Variants in NOVA2 observed in about 807,000 individuals in gnomAD.
The protein encoded by NOVA2 is RNA-binding protein Nova-2.
In NOVA2, 9 loss-of-function variants were observed where a neutral mutation model predicts 22.5. That is an observed-to-expected ratio of 0.40 (90% CI 0.24 to 0.70). The LOEUF (loss-of-function observed/expected upper bound fraction) is 0.70, where lower values mean the gene tolerates loss of function less well. Ranked by LOEUF, NOVA2 falls within the 30% of genes least tolerant of loss-of-function variation. NOVA2 has a pLI of 0.38. For missense variants in NOVA2, 383 were observed against 682.8 expected (o/e 0.56, Z 4.89); for synonymous variants, 318 against 335.2 (o/e 0.95, Z 0.56).
intron 2 of NOVA2, among the ~76,000 whole-genome samples, chr19:45,959,648 G>A (rs529880466): frequency 1.6e-4 from 24 of 151,864 alleles, no homozygotes; most frequent in Admixed American, 1.2e-3. Flanking sequence ...TAAACCTCTT[G>A]CCAAAGCTGC....
At chr19:45,972,009 C>T (rs946576644) in intron 1 of NOVA2, among the ~76,000 whole-genome samples, 12 of 152,020 alleles carry the variant, frequency 7.9e-5, no homozygotes, top group Non-Finnish European at 1.6e-4. Flanking sequence ...CCAATACACA[C>T]GGACACACAC....
In NOVA2 at chr19:45,936,114, CCT is replaced by C. The variant is rs1384383114; in HGVS notation, c.*3747_*3748del. 4 of 152,272 alleles carry C rather than the reference CCT, an allele frequency of 2.6e-5. No homozygotes were observed. Among genetic ancestry groups the C allele is most frequent in the African/African-American group, 9.6e-5 (4 of 41,456 alleles). 9.4% of individuals were successfully genotyped at this position (152,272 alleles called of 1,614,324 possible). On this transcript the variant is annotated 3_prime_UTR_variant, in exon 4 of 4. Transcript: ENST00000263257. ...GGCTGGGCAGGTTGGCTCAGAGCCC[CCT>C]GAGATGGGGGATGAAGGAGGTTAAT...
intron 2 of NOVA2, among the ~76,000 whole-genome samples, chr19:45,960,709 C>T (rs1366188206): frequency 6.6e-6 from 1 of 151,976 alleles, no homozygotes; most frequent in African/African-American, 2.4e-5. Flanking sequence ...TCCCCACCCT[C>T]GCTCCTCCAA....
intron 1 of NOVA2, among the ~76,000 whole-genome samples, chr19:45,972,420 G>T (rs1030973555): frequency 6.6e-6 from 1 of 151,916 alleles, no homozygotes; most frequent in African/African-American, 2.4e-5. Flanking sequence ...TCTTCTGGCT[G>T]ACACCCAGAG....
chr19:45,941,312 A>G, intron 3 of NOVA2, among the ~76,000 whole-genome samples: 1 of 31,954 alleles, frequency 3.1e-5, no homozygotes, highest in African/African-American at 7.5e-5. Flanking sequence ...ATAAAATAAT[A>G]TATATATATA....
chr19:45,966,809 G>A (rs753748976), intron 1 of NOVA2, among the ~76,000 whole-genome samples: 7 of 152,190 alleles, frequency 4.6e-5, no homozygotes, highest in East Asian at 1.9e-4. Context: ...CCCGGGAGGC[G>A]GAGGTTGCAG....
intron 2 of NOVA2, among the ~76,000 whole-genome samples, chr19:45,958,696 A>G (rs992805249): frequency 3.3e-5 from 5 of 152,096 alleles, no homozygotes; most frequent in Non-Finnish European, 7.4e-5. Context: ...CTAACCTACT[A>G]GGCCCAGAGT....
chr19:45,946,919 C>T (rs1002161762), intron 3 of NOVA2, among the ~76,000 whole-genome samples: 18 of 151,536 alleles, frequency 1.2e-4, no homozygotes, highest in African/African-American at 2.2e-4. Flanking sequence ...TGTGCGCACG[C>T]GCATGTACAC....
chr19:45,960,532 AG>A (rs1968079016), intron 2 of NOVA2, among the ~76,000 whole-genome samples: 2 of 151,722 alleles, frequency 1.3e-5, no homozygotes, highest in Admixed American at 1.3e-4. Flanking sequence ...AGAGACGAGA[AG>A]TCAGAAACAG....
At chr19:45,951,526 G>A (rs966171121) in intron 3 of NOVA2, among the ~76,000 whole-genome samples, 4 of 151,972 alleles carry the variant, frequency 2.6e-5, no homozygotes, top group African/African-American at 4.8e-5. Flanking sequence ...GCCAAGGCAG[G>A]AGAATCACTT....
chr19:45,961,266 A>G (rs1377992046), intron 1 of NOVA2, 113 bp from the exon 2 acceptor site: 1 of 644,778 alleles, frequency 1.6e-6, no homozygotes, highest in African/African-American at 1.8e-5. Flanking sequence ...GAATAATACA[A>G]ATAATGATCT....
intron 2 of NOVA2, among the ~76,000 whole-genome samples, chr19:45,960,380 GA>G (rs1484104599): frequency 1.3e-5 from 2 of 151,706 alleles, no homozygotes; most frequent in Non-Finnish European, 1.5e-5. Context: ...AAGACAAAAG[GA>G]GAAGGAAAGA....
chr19:45,950,708 A>G (rs1278924297), intron 3 of NOVA2, among the ~76,000 whole-genome samples: 1 of 152,220 alleles, frequency 6.6e-6, no homozygotes, highest in Non-Finnish European at 1.5e-5. Flanking sequence ...TAGAGCCAGA[A>G]GGACCAGAGA....
At chr19:45,949,233 G>A (rs1368478622) in intron 3 of NOVA2, among the ~76,000 whole-genome samples, 1 of 150,354 alleles carries the variant, frequency 6.7e-6, no homozygotes, top group Non-Finnish European at 1.5e-5. Flanking sequence ...GTACGACTCT[G>A]TGAACATACA....
chr19:45,945,690 CTA>C (rs927779237), intron 3 of NOVA2, among the ~76,000 whole-genome samples: 1 of 151,724 alleles, frequency 6.6e-6, no homozygotes, highest in African/African-American at 2.4e-5. Flanking sequence ...GTAGATATGT[CTA>C]TATGTGTATA....
At chr19:45,970,739 G>A (rs1968222811) in intron 1 of NOVA2, among the ~76,000 whole-genome samples, 1 of 152,108 alleles carries the variant, frequency 6.6e-6, no homozygotes, top group Non-Finnish European at 1.5e-5. Context: ...AAAAGGGGAT[G>A]GGTTGGCCCA....
intron 3 of NOVA2, among the ~76,000 whole-genome samples, chr19:45,948,298 C>T (rs553729665): frequency 2.0e-5 from 3 of 152,120 alleles, no homozygotes; most frequent in Non-Finnish European, 4.4e-5. Flanking sequence ...CATAGAAGCA[C>T]TCAAGAAATG....
chr19:45,940,288 C>A lies in NOVA2; in HGVS notation c.1054G>T (p.Ala352Ser). 1 of 1,120,380 alleles carries A rather than the reference C, an allele frequency of 8.9e-7. No homozygotes were observed. 69.4% of individuals were successfully genotyped at this position (1,120,380 alleles called of 1,614,324 possible). Reference protein sequence around the residue: ...AAPPPPPPPGALGSFALAAAA... With the variant: ...AAPPPPPPPGSLGSFALAAAA... Reference sequence around the variant, plus strand: ...GCGGCCAACGCAAAGGACCCCAGGGCTCCGGGAGGCGGGGGCGGCGGCGGG... The same window carrying A: ...GCGGCCAACGCAAAGGACCCCAGGGATCCGGGAGGCGGGGGCGGCGGCGGG... Residue 352 changes from alanine to serine, a missense_variant, in exon 4 of 4, where the codon GCC becomes TCC. Around this residue, in one of 2 missense-constraint regions of NOVA2, gnomAD observed 349 missense variants for 578.1 expected, o/e 0.60. Transcript: ENST00000263257.
At position 45,940,553 on chromosome 19, in the gene NOVA2, G is replaced by A. The variant is rs770221715; in HGVS notation, c.789C>T (p.Ala263=). Residue 263 remains alanine (A), a synonymous_variant, in exon 4 of 4, where the codon GCC becomes GCT. Transcript: ENST00000263257. ...AGAAGGCGGGCAGCGCGGCGGGAAA[G>A]GCCCCCACGCCAGCCAGCCCGGCGG... ...LGPAGLAGVG[A]FPAALPAFSG... The A allele has an allele frequency of 2.0e-6, 3 of 1,477,070 alleles. No homozygotes were observed. The highest frequency in any genetic ancestry group is 2.6e-5 in the South Asian group (2 of 78,102). 91.5% of individuals were successfully genotyped at this position (1,477,070 alleles called of 1,614,324 possible).
Sources: gnomAD v4.1 joint callset for allele counts (sites outside exome capture counted in the v4.1 genomes callset) on GRCh38, gnomAD v4.1.1 for gene constraint, gnomAD v4.1.1 regional missense constraint, MANE v1.5 for transcripts, NCBI Gene and HGNC (gene_info 2026-07-23, HGNC 2026-07-21) for gene names.